KCNK3: variants seen among roughly 807,000 people sequenced by gnomAD.
The protein encoded by KCNK3 is potassium two pore domain channel subfamily K member 3.
Under a neutral mutation model 27.3 loss-of-function variants are expected in KCNK3, and 9 were observed. The ratio of observed to expected loss-of-function variants is 0.33; its 90% CI spans 0.20 to 0.57. The LOEUF (loss-of-function observed/expected upper bound fraction) is 0.57, where lower values mean the gene tolerates loss of function less well. Among genes scored for constraint, KCNK3 ranks in the 20% least tolerant of loss-of-function variants. KCNK3 has a pLI of 0.87. For synonymous variants in KCNK3, 278 were observed against 273.8 expected (o/e 1.02, Z -0.15); for missense variants, 391 against 577.7 (o/e 0.68, Z 3.31).
At chr2:26,704,291 C>A (rs1427627523) in intron 1 of KCNK3, among the ~76,000 whole-genome samples, 2 of 152,180 alleles carry the variant, frequency 1.3e-5, no homozygotes, top group Non-Finnish European at 2.9e-5. Context: ...GAAGATGATG[C>A]TGCCATCCAA....
intron 1 of KCNK3, among the ~76,000 whole-genome samples, chr2:26,716,059 G>A (rs958698820): frequency 1.4e-4 from 21 of 152,228 alleles, no homozygotes; most frequent in African/African-American, 4.3e-4. Flanking sequence ...GAGAGGGGCA[G>A]CGTCTTGCCT....
chr2:26,702,737 T>C (rs965231365), intron 1 of KCNK3, among the ~76,000 whole-genome samples: 1 of 152,008 alleles, frequency 6.6e-6, no homozygotes, highest in Non-Finnish European at 1.5e-5. Context: ...GAGATACATA[T>C]TAAGAGATGT....
At chr2:26,727,632 G>A in intron 1 of KCNK3, 35 bp from the exon 2 acceptor site, 2 of 1,512,262 alleles carry the variant, frequency 1.3e-6, no homozygotes, top group Non-Finnish European at 1.8e-6. Context: ...GCCCCAAAAT[G>A]TGTGCTTTTT....
At position 26,731,988 on chromosome 2, in the gene KCNK3, G is replaced by A. The variant is rs1663550841; in HGVS notation, c.*3420G>A. Reference sequence around the variant, plus strand: ...TGCAGTAGGGGCCCCCTGGCTGAGTGGCCTGATTGACTAAAACATATGTCT... The same window carrying A: ...TGCAGTAGGGGCCCCCTGGCTGAGTAGCCTGATTGACTAAAACATATGTCT... On this transcript the variant is annotated 3_prime_UTR_variant, in exon 2 of 2. Transcript: ENST00000302909. 6.6e-6 allele frequency: 1 copy of A among 152,216 alleles called. No homozygotes were observed. The highest frequency in any genetic ancestry group is 2.4e-5 in the African/African-American group (1 of 41,444). 9.4% of individuals were successfully genotyped at this position (152,216 alleles called of 1,614,324 possible). A position where few individuals can be genotyped will look rare whatever the true frequency, so the allele number is the denominator to read the frequency against.
chr2:26,722,575 C>A (rs1663345294), intron 1 of KCNK3, among the ~76,000 whole-genome samples: 1 of 152,216 alleles, frequency 6.6e-6, no homozygotes, highest in African/African-American at 2.4e-5. Flanking sequence ...ATCTTCTCTA[C>A]TCCACTAAAC....
intron 1 of KCNK3, among the ~76,000 whole-genome samples, chr2:26,699,250 A>AAAGAAAGCAAGC (rs35378015): frequency 1.7e-3 from 244 of 142,856 alleles, no homozygotes; most frequent in African/African-American, 5.0e-3. Context: ...AGAAAGAAAG[A>AAAGAAAGCAAGC]AAGCCAGCCA....
chr2:26,720,216 C>A (rs1407317920), intron 1 of KCNK3, among the ~76,000 whole-genome samples: 2 of 152,210 alleles, frequency 1.3e-5, no homozygotes, highest in Non-Finnish European at 2.9e-5. Context: ...GGTCATGCCA[C>A]TGCACTCTAG....
chr2:26,718,193 A>T (rs1359504913), intron 1 of KCNK3, among the ~76,000 whole-genome samples: 1 of 151,454 alleles, frequency 6.6e-6, no homozygotes, highest in East Asian at 2.0e-4. Flanking sequence ...ACCTGCCCCC[A>T]TCTCCCACAG....
chr2:26,711,320 G>T (rs768541941), intron 1 of KCNK3, among the ~76,000 whole-genome samples: 1 of 152,160 alleles, frequency 6.6e-6, no homozygotes, highest in Non-Finnish European at 1.5e-5. Context: ...AACTGAACTG[G>T]TGCAGACATC....
In KCNK3 at chr2:26,692,849, G is replaced by A. The variant is rs1292470729; in HGVS notation, c.-27G>A. 6.7e-6 allele frequency: 8 copies of A among 1,201,858 alleles called. No individual in the cohort carries two copies. Among genetic ancestry groups the A allele is most frequent in the Non-Finnish European group, 8.3e-6 (8 of 967,708 alleles). The allele number at this position is 1,201,858 out of a possible 1,614,324, so 74.4% of individuals were successfully genotyped here. ...CCGAGGCGCGGGCCGGGGGCGCCGG[G>A]GGGCCGGCGGCGGCCCGGGCGGGAC... On this transcript the variant is annotated 5_prime_UTR_variant, in exon 1 of 2. Transcript: ENST00000302909. This position sits in a 1 kb window ranked among gnomAD's most constrained non-coding sequence, Gnocchi z 5.6.
At chr2:26,722,751 A>G (rs1663347631) in intron 1 of KCNK3, among the ~76,000 whole-genome samples, 1 of 152,272 alleles carries the variant, frequency 6.6e-6, no homozygotes, top group Non-Finnish European at 1.5e-5. Context: ...ACAATGATTT[A>G]TTCAGTGCCT....
rs1401748206 is a variant in KCNK3, at chr2:26,732,558, T to G, written c.*3990T>G. ...AAGAAATGATGGCACCTGCACTCCC[T>G]GCCCCCAGAGGCAGGACACAGCCAG... is the stretch of plus-strand genomic sequence containing the variant. On this transcript the variant is annotated 3_prime_UTR_variant, in exon 2 of 2. Transcript: ENST00000302909. The G allele has an allele frequency of 6.6e-6, 1 of 152,256 alleles. No individual in the cohort carries two copies. Among genetic ancestry groups the G allele is most frequent in the Non-Finnish European group, 1.5e-5 (1 of 68,062 alleles). The allele number at this position is 152,256 out of a possible 1,614,324, so 9.4% of individuals were successfully genotyped here.
intron 1 of KCNK3, among the ~76,000 whole-genome samples, chr2:26,726,923 G>A (rs1280357152): frequency 6.6e-6 from 1 of 152,220 alleles, no homozygotes; most frequent in Admixed American, 6.5e-5. Flanking sequence ...TACAGAGGAA[G>A]ACCCCAAGGC....
In KCNK3 at chr2:26,693,169, G is replaced by A; in HGVS notation, c.283+11G>A. Reference sequence around the variant, plus strand: ...TCATCACCACCATCGGTAACGGCTCGCCGGGCGGGGGGCGGGAACCCAGGG... The same window carrying A: ...TCATCACCACCATCGGTAACGGCTCACCGGGCGGGGGGCGGGAACCCAGGG... On this transcript the variant is annotated intron_variant, in intron 1 of 1. Coordinates refer to ENST00000302909, the MANE Select transcript of KCNK3 (RefSeq NM_002246.3). This position sits in a 1 kb window ranked among gnomAD's most constrained non-coding sequence, Gnocchi z 5.5. 7.7e-7 allele frequency: 1 copy of A among 1,305,472 alleles called. No homozygotes were observed. Among genetic ancestry groups the A allele is most frequent in the Non-Finnish European group, 1.0e-6 (1 of 990,912 alleles). The allele number at this position is 1,305,472 out of a possible 1,614,324, so 80.9% of individuals were successfully genotyped here. A position where few individuals can be genotyped will look rare whatever the true frequency, so the allele number is the denominator to read the frequency against.
chr2:26,697,004 G>A (rs1572600666), intron 1 of KCNK3, among the ~76,000 whole-genome samples: 1 of 152,086 alleles, frequency 6.6e-6, no homozygotes, highest in African/African-American at 2.4e-5. Context: ...CGCTTCATTT[G>A]TACCCCCTTA....
intron 1 of KCNK3, among the ~76,000 whole-genome samples, chr2:26,718,616 C>CA: frequency 6.7e-6 from 1 of 150,122 alleles, no homozygotes; most frequent in Middle Eastern, 3.4e-3. Flanking sequence ...TGTGAATACA[C>CA]TTTTTTTTTT....
At chr2:26,697,910 G>C (rs776554995) in intron 1 of KCNK3, among the ~76,000 whole-genome samples, 10 of 152,138 alleles carry the variant, frequency 6.6e-5, no homozygotes, top group Non-Finnish European at 1.3e-4. Context: ...ATCTTTTCAA[G>C]AAGGAGAGTA....
chr2:26,725,743 G>A (rs2148036981), intron 1 of KCNK3, among the ~76,000 whole-genome samples: 1 of 152,316 alleles, frequency 6.6e-6, no homozygotes, highest in Middle Eastern at 3.4e-3. Context: ...GCTGTGGAGG[G>A]GGTCAGGGGA....
At chr2:26,717,697 A>T (rs1361655163) in intron 1 of KCNK3, among the ~76,000 whole-genome samples, 1 of 152,232 alleles carries the variant, frequency 6.6e-6, no homozygotes, top group Non-Finnish European at 1.5e-5. Context: ...CACCTGGCTC[A>T]ATGGCTAGCT....
Sources: allele counts gnomAD v4.1 joint callset (sites outside exome capture counted in the v4.1 genomes callset), GRCh38; gene constraint gnomAD v4.1.1; non-coding constraint Gnocchi (gnomAD v3.1); transcripts MANE v1.5; gene names NCBI Gene and HGNC (gene_info 2026-07-23, HGNC 2026-07-21).